The following SUGCT variants were observed in gnomAD, a reference collection of about 807,000 sequenced individuals.
The protein encoded by SUGCT is succinyl-CoA:glutarate-CoA transferase.
Under a neutral mutation model 55.0 loss-of-function variants are expected in SUGCT, and 41 were observed. The ratio of observed to expected loss-of-function variants is 0.74; its 90% CI spans 0.58 to 0.97. The LOEUF is 0.97. Among genes scored for constraint, SUGCT ranks in the 50% least tolerant of loss-of-function variants. The probability of loss-of-function intolerance (pLI) is 0.00; values close to 1 mark genes in which losing one functional copy is unlikely to be tolerated. For synonymous variants in SUGCT, 187 were observed against 200.4 expected (o/e 0.93, Z 0.56); for missense variants, 568 against 547.8 (o/e 1.04, Z -0.37).
chr7:40,995,898 G>A, the SUGCT span, among the ~76,000 whole-genome samples: 16 of 152,012 alleles, frequency 1.1e-4, no homozygotes, highest in Admixed American at 7.2e-4. Context: ...TTATGAAAAG[G>A]GACTAACTTT....
chr7:40,189,675 A>G, intron 5 of SUGCT, 81 bp downstream of exon 5: 2 of 700,240 alleles, frequency 2.9e-6, no homozygotes, highest in Non-Finnish European at 4.4e-6. Flanking sequence ...GTGTTTTAAA[A>G]CTCAATTTTA....
chr7:40,196,469 A>G (rs1168181584), intron 6 of SUGCT, among the ~76,000 whole-genome samples: 1 of 152,192 alleles, frequency 6.6e-6, no homozygotes, highest in Non-Finnish European at 1.5e-5. Flanking sequence ...ATAGATAGTA[A>G]ATAAATAAGC....
chr7:40,395,717 G>C (rs750872922), intron 9 of SUGCT, among the ~76,000 whole-genome samples: 62 of 152,048 alleles, frequency 4.1e-4, no homozygotes, highest in Admixed American at 5.2e-4. Context: ...TTTAATGGAA[G>C]CATGAGAGCA....
intron 13 of SUGCT, among the ~76,000 whole-genome samples, chr7:40,831,357 G>C (rs1792654978): frequency 6.6e-6 from 1 of 152,166 alleles, no homozygotes. Flanking sequence ...CCTCAGAGGA[G>C]CAATAGCCTT....
intron 12 of SUGCT, among the ~76,000 whole-genome samples, chr7:40,542,169 C>G (rs1794724558): frequency 6.6e-6 from 1 of 152,170 alleles, no homozygotes; most frequent in Non-Finnish European, 1.5e-5. Flanking sequence ...AGGCATTGGC[C>G]TGAATACTTT....
chr7:40,621,846 A>G (rs1799280218), intron 12 of SUGCT, among the ~76,000 whole-genome samples: 2 of 152,204 alleles, frequency 1.3e-5, no homozygotes. Flanking sequence ...CAGATTTCAA[A>G]TATTTCTGCC....
chr7:40,938,121 T>A, the SUGCT span, among the ~76,000 whole-genome samples: 1 of 152,214 alleles, frequency 6.6e-6, no homozygotes, highest in African/African-American at 2.4e-5. Flanking sequence ...GGCCACGGAC[T>A]GCTACCAGCC....
At chr7:40,559,672 A>G (rs1441329084) in intron 12 of SUGCT, among the ~76,000 whole-genome samples, 8 of 152,228 alleles carry the variant, frequency 5.3e-5, no homozygotes, top group Admixed American at 1.3e-4. Context: ...CTATACTTAT[A>G]CATTACTATC....
At chr7:40,518,341 A>G (rs1380881778) in intron 12 of SUGCT, among the ~76,000 whole-genome samples, 2 of 152,106 alleles carry the variant, frequency 1.3e-5, no homozygotes, top group Non-Finnish European at 2.9e-5. Flanking sequence ...TTGTTTTTCA[A>G]ATGGGTATGG....
intron 12 of SUGCT, among the ~76,000 whole-genome samples, chr7:40,543,418 T>C (rs933841701): frequency 6.6e-6 from 1 of 152,202 alleles, no homozygotes. Flanking sequence ...ATTTAAAAAA[T>C]GAAGGCTGCA....
chr7:40,215,025 T>C (rs1787544840), intron 6 of SUGCT, among the ~76,000 whole-genome samples: 1 of 152,134 alleles, frequency 6.6e-6, no homozygotes, highest in African/African-American at 2.4e-5. Flanking sequence ...ATTCCCTCTA[T>C]GGAGAATGAG....
intron 7 of SUGCT, among the ~76,000 whole-genome samples, chr7:40,249,514 A>G (rs1256811206): frequency 1.3e-5 from 2 of 149,694 alleles, no homozygotes; most frequent in Non-Finnish European, 3.0e-5. Context: ...TATTATAGAA[A>G]TTATGGGTTC....
intron 13 of SUGCT, among the ~76,000 whole-genome samples, chr7:40,811,812 G>A (rs1164264013): frequency 6.6e-6 from 1 of 152,160 alleles, no homozygotes; most frequent in South Asian, 2.1e-4. Context: ...TTGAATAGGA[G>A]TGGTGAGAGT....
intron 12 of SUGCT, among the ~76,000 whole-genome samples, chr7:40,698,222 A>G (rs1785020496): frequency 6.6e-6 from 1 of 152,232 alleles, no homozygotes; most frequent in African/African-American, 2.4e-5. Context: ...TATCTATGTA[A>G]TCTGCATAAT....
At chr7:40,439,946 A>G (rs1562778328) in intron 9 of SUGCT, among the ~76,000 whole-genome samples, 1 of 152,102 alleles carries the variant, frequency 6.6e-6, no homozygotes, top group East Asian at 1.9e-4. Flanking sequence ...TCTACTTTGT[A>G]GGCATTCTTC....
At chr7:40,188,455 A>AG in intron 3 of SUGCT, 40 bp from the exon 4 acceptor site, 1 of 1,251,422 alleles carries the variant, frequency 8.0e-7, no homozygotes, top group Non-Finnish European at 1.1e-6. Context: ...AAAAAAAAAA[A>AG]CAAACCCCAA....
the SUGCT span, among the ~76,000 whole-genome samples, chr7:40,886,367 T>G: frequency 1.3e-5 from 2 of 152,144 alleles, no homozygotes; most frequent in African/African-American, 4.8e-5. Flanking sequence ...CACCATCACT[T>G]GGAGCTCCAA....
rs1787897682 is a variant in SUGCT, at chr7:40,749,467, C to A, written c.1123C>A (p.His375Asn). 1 of 1,613,596 alleles carries A rather than the reference C, an allele frequency of 6.2e-7. No individual in the cohort carries two copies. Among genetic ancestry groups the A allele is most frequent in the South Asian group, 1.1e-5 (1 of 91,082 alleles). Residue 375 changes from histidine to asparagine, a missense_variant, in exon 13 of 14, where the codon CAT becomes AAT. By Grantham distance (68) the His-to-Asn change is moderately conservative. Coordinates refer to ENST00000335693, the MANE Select transcript of SUGCT (RefSeq NM_001193313.2). ...CAATGGCCTCGTTATGGAGATGGAG[C>A]ATCCAACTGTGGGGAAGATTTCCGT... ...LHNGLVMEME[H>N]PTVGKISVPG...
chr7:40,898,282 A>G, the SUGCT span, among the ~76,000 whole-genome samples: 43 of 152,226 alleles, frequency 2.8e-4, no homozygotes, highest in East Asian at 6.2e-3. Flanking sequence ...ACCAGAAGGA[A>G]CAAACAACTC....
Sources: gnomAD v4.1 joint callset for allele counts (sites outside exome capture counted in the v4.1 genomes callset) on GRCh38, gnomAD v4.1.1 for gene constraint, MANE v1.5 for transcripts, NCBI Gene and HGNC (gene_info 2026-07-23, HGNC 2026-07-21) for gene names.